The following RASA2 variants were observed in gnomAD, a reference collection of about 807,000 sequenced individuals.
The protein encoded by RASA2 is RAS p21 protein activator 2.
RASA2 carries 155 observed loss-of-function variants against 118.2 expected under a neutral mutation model. The observed-to-expected ratio is 1.31, with a 90% CI of 1.15 to 1.50. The LOEUF (loss-of-function observed/expected upper bound fraction) is 1.50, where lower values mean the gene tolerates loss of function less well. RASA2 is among the 40% of genes most tolerant of loss of function. RASA2 has a pLI of 0.00. For missense variants in RASA2, 1,016 were observed against 1,009.6 expected, an observed-to-expected ratio of 1.01 and a Z score of -0.09; for synonymous variants, 353 against 349.1, an observed-to-expected ratio of 1.01 and a Z score of -0.12.
At chr3:141,595,311 A>C (rs1170455849) in intron 19 of RASA2, among the ~76,000 whole-genome samples, 2 of 152,226 alleles carry the variant, frequency 1.3e-5, no homozygotes, top group African/African-American at 2.4e-5. Context: ...AGAGACTATC[A>C]GACTATATTT....
chr3:141,565,427 T>G (rs1459638035), intron 9 of RASA2, among the ~76,000 whole-genome samples: 5 of 152,214 alleles, frequency 3.3e-5, no homozygotes, highest in African/African-American at 4.8e-5. Flanking sequence ...CCTGATGTGG[T>G]TTGGCTGTGT....
At chr3:141,509,946 T>G (rs1351900139) in intron 1 of RASA2, among the ~76,000 whole-genome samples, 2 of 152,200 alleles carry the variant, frequency 1.3e-5, no homozygotes, top group Non-Finnish European at 2.9e-5. Context: ...CTAAATTTGT[T>G]TATTCTGTTT....
In RASA2 at chr3:141,604,809, G is replaced by A. The variant is rs1188702718; in HGVS notation, c.1934-2869G>A. Among the ~76,000 whole-genome samples, 4 of 151,726 alleles carry A rather than the reference G, an allele frequency of 2.6e-5. No homozygotes were observed. In the East Asian group the frequency reaches 7.7e-4, roughly 29 times the overall value. On this transcript the variant is annotated intron_variant, in intron 19 of 23. Coordinates refer to ENST00000286364, the MANE Select transcript of RASA2 (RefSeq NM_006506.5). ...ATTAGGAAATATACCTAATGTAAAT[G>A]ACGAGTTAATGGGTGCAGCACACCA...
chr3:141,598,202 C>T (rs1392077107), intron 19 of RASA2, among the ~76,000 whole-genome samples: 1 of 152,056 alleles, frequency 6.6e-6, no homozygotes, highest in African/African-American at 2.4e-5. Flanking sequence ...CTTCTGAAGC[C>T]TGCATAACTC....
intron 19 of RASA2, among the ~76,000 whole-genome samples, chr3:141,602,827 T>C (rs1018271934): frequency 6.6e-6 from 1 of 152,174 alleles, no homozygotes; most frequent in African/African-American, 2.4e-5. Context: ...TCACAGCAAA[T>C]TGACGTCTCC....
intron 1 of RASA2, among the ~76,000 whole-genome samples, chr3:141,505,555 A>G (rs1193551877): frequency 6.6e-6 from 1 of 152,226 alleles, no homozygotes; most frequent in East Asian, 1.9e-4. Flanking sequence ...ACTAAAATAT[A>G]GTACTGCTAC....
intron 19 of RASA2, among the ~76,000 whole-genome samples, chr3:141,599,959 A>C (rs1003077422): frequency 6.6e-6 from 1 of 152,216 alleles, no homozygotes; most frequent in East Asian, 1.9e-4. Context: ...CACTTGCAGA[A>C]CTGTTTCAGA....
intron 3 of RASA2, 34 bp from the exon 4 acceptor site, chr3:141,529,674 T>C: frequency 1.4e-6 from 2 of 1,465,764 alleles, no homozygotes; most frequent in Non-Finnish European, 1.9e-6. Context: ...ATACGAAGCA[T>C]GTTTTCTTAT....
At chr3:141,612,229 C>T (rs571857764) in intron 23 of RASA2, 54 bp from the exon 24 acceptor site, 6 of 1,317,322 alleles carry the variant, frequency 4.6e-6, no homozygotes, top group South Asian at 2.6e-5. Flanking sequence ...ATTTGTCACC[C>T]TTTAAATTTT....
rs533457744 is a variant in RASA2 at position 141,566,597 on chromosome 3, T to C, written c.864-4315T>C. Among the ~76,000 whole-genome samples the C allele has an allele frequency of 3.3e-5, 5 of 152,342 alleles. No homozygotes were observed. The South Asian group carries it at 1.0e-3, about 32-fold the overall frequency. ...TGGGGAAATTTGAATACTAAGTGAA[T>C]AGTGATGACTTTTTAAAATTATATA... On this transcript the variant is annotated intron_variant, in intron 9 of 23. Coordinates refer to ENST00000286364, the MANE Select transcript of RASA2 (RefSeq NM_006506.5).
chr3:141,609,880 C>T lies in RASA2; in HGVS notation c.2333C>T (p.Ala778Val). 1.3e-6 allele frequency: 2 copies of T among 1,563,138 alleles called. No homozygotes were observed. Among genetic ancestry groups the T allele is most frequent in the Non-Finnish European group, 1.7e-6 (2 of 1,159,814 alleles). ...TTTATTTTCCTGCTCTTTGTAGAGG[C>T]TTGTGGAACTATTGCAGTCTATCAA... ...SLLKLQKMEE[A>V]CGTIAVYQGP... Residue 778 changes from alanine to valine, a missense_variant, in exon 23 of 24, where the codon GCT becomes GTT. This residue lies in a region of RASA2 where 120 missense variants were observed against 173.2 expected (regional missense o/e 0.69). Coordinates refer to ENST00000286364, the MANE Select transcript of RASA2 (RefSeq NM_006506.5).
At chr3:141,548,220 C>A (rs1320706928) in intron 5 of RASA2, among the ~76,000 whole-genome samples, 1 of 151,970 alleles carries the variant, frequency 6.6e-6, no homozygotes, top group African/African-American at 2.4e-5. Context: ...GAAGTGTTCC[C>A]CTCTCTATTT....
chr3:141,611,975 CT>C (rs1331892463), intron 23 of RASA2, among the ~76,000 whole-genome samples: 1 of 152,154 alleles, frequency 6.6e-6, no homozygotes, highest in Non-Finnish European at 1.5e-5. Flanking sequence ...TTATTTTTCT[CT>C]ATTAAAAAAT....
intron 19 of RASA2, among the ~76,000 whole-genome samples, chr3:141,591,562 A>G (rs1211450111): frequency 6.6e-6 from 1 of 152,234 alleles, no homozygotes; most frequent in African/African-American, 2.4e-5. Flanking sequence ...TCTTCCATAT[A>G]TGCTGTCATC....
intron 14 of RASA2, among the ~76,000 whole-genome samples, chr3:141,575,902 C>G (rs371446358): frequency 1.2e-3 from 177 of 152,176 alleles, no homozygotes; most frequent in African/African-American, 4.1e-3. Flanking sequence ...TCCAGCCTCC[C>G]GAGTTGCTGG....
chr3:141,571,785 A>G (rs1006920119), intron 11 of RASA2, among the ~76,000 whole-genome samples: 2 of 152,070 alleles, frequency 1.3e-5, no homozygotes, highest in Non-Finnish European at 2.9e-5. Context: ...AGGAAATTTC[A>G]TTTGTTACTA....
At chr3:141,499,773 G>A (rs2081752442) in intron 1 of RASA2, among the ~76,000 whole-genome samples, 1 of 152,072 alleles carries the variant, frequency 6.6e-6, no homozygotes, top group Non-Finnish European at 1.5e-5. Context: ...TAATTTTTGT[G>A]TTTTTAGTAG....
intron 19 of RASA2, among the ~76,000 whole-genome samples, chr3:141,599,062 C>A (rs775415259): frequency 7.9e-5 from 12 of 151,770 alleles, no homozygotes; most frequent in African/African-American, 2.7e-4. Context: ...CACTCCAGCC[C>A]CGGCGACAGA....
At chr3:141,537,745 C>G (rs1197935162) in intron 4 of RASA2, among the ~76,000 whole-genome samples, 1 of 151,908 alleles carries the variant, frequency 6.6e-6, no homozygotes, top group African/African-American at 2.4e-5. Context: ...CTCTGGCCTG[C>G]GTGACAGAGC....
Sources: allele counts gnomAD v4.1 joint callset (sites outside exome capture counted in the v4.1 genomes callset), GRCh38; gene constraint gnomAD v4.1.1; regional missense constraint gnomAD v4.1.1; transcripts MANE v1.5; gene names NCBI Gene and HGNC (gene_info 2026-07-23, HGNC 2026-07-21).